The following SYT14 variants were observed in gnomAD, a reference collection of about 807,000 sequenced individuals.
SYT14 encodes synaptotagmin-14.
A neutral mutation model predicts 74.2 loss-of-function variants in SYT14; 32 were observed. That is an observed-to-expected ratio of 0.43 (90% CI 0.33 to 0.58). The LOEUF is 0.58. SYT14 is among the 20% of genes least tolerant of loss of function. The pLI is 0.05. For missense variants in SYT14, 791 were observed against 981.8 expected (o/e 0.81, Z 2.60); for synonymous variants, 298 against 337.7 (o/e 0.88, Z 1.29).
chr1:210,062,402 A>AT (rs58346057), intron 5 of SYT14, among the ~76,000 whole-genome samples: 18,526 of 151,718 alleles, frequency 0.12, 1,445 homozygotes, highest in East Asian at 0.18. Flanking sequence ...TGGGTCAATG[A>AT]TTTTTTTTCT....
intron 2 of SYT14, among the ~76,000 whole-genome samples, chr1:209,977,180 T>C (rs982992606): frequency 6.6e-6 from 1 of 152,232 alleles, no homozygotes. Flanking sequence ...TCTGTGTCTT[T>C]TAATTGGAGC....
In SYT14 at chr1:210,063,111, G is replaced by A. The variant is rs115738034; in HGVS notation, c.1313-31211G>A. Among the ~76,000 whole-genome samples the A allele has an allele frequency of 8.3e-3, 1,227 of 148,458 alleles. 13 individuals carry two copies. Among genetic ancestry groups the A allele is most frequent in the African/African-American group, 0.026 (1,053 of 40,510 alleles). On this transcript the variant is annotated intron_variant, in intron 5 of 9. Coordinates refer to ENST00000637265, the Ensembl canonical transcript of SYT14. ...TTTGTTTTTTTCATTTATAGCTTCT[G>A]GATTATATGTCACGTTCAGAAAGAC...
intron 5 of SYT14, among the ~76,000 whole-genome samples, chr1:210,065,832 C>T (rs995028667): frequency 7.3e-5 from 11 of 151,718 alleles, no homozygotes; most frequent in Admixed American, 6.6e-4. Context: ...CCCATTAACT[C>T]GTCATTTAGC....
intron 2 of SYT14, among the ~76,000 whole-genome samples, chr1:209,979,489 A>T (rs1304187191): frequency 1.3e-5 from 2 of 151,976 alleles, no homozygotes; most frequent in African/African-American, 2.4e-5. Flanking sequence ...CAGGATGCGA[A>T]GGTTTGTTGC....
intron 2 of SYT14, among the ~76,000 whole-genome samples, chr1:209,970,466 T>C (rs1346600302): frequency 1.3e-5 from 2 of 152,078 alleles, no homozygotes; most frequent in Non-Finnish European, 1.5e-5. Context: ...TACTATAGCC[T>C]TATACCATTT....
intron 2 of SYT14, among the ~76,000 whole-genome samples, chr1:209,980,260 T>C (rs938864202): frequency 6.6e-6 from 1 of 152,242 alleles, no homozygotes; most frequent in African/African-American, 2.4e-5. Context: ...GTATCTTCTT[T>C]TGAGAAGTGT....
At chr1:210,061,396 A>T (rs1167799259) in intron 5 of SYT14, among the ~76,000 whole-genome samples, 3 of 152,008 alleles carry the variant, frequency 2.0e-5, no homozygotes, top group Admixed American at 1.3e-4. Flanking sequence ...ATCAGAGGCT[A>T]ATCAACTGTG....
intron 5 of SYT14, among the ~76,000 whole-genome samples, chr1:210,041,058 C>T (rs2080779038): frequency 6.6e-6 from 1 of 152,092 alleles, no homozygotes; most frequent in Non-Finnish European, 1.5e-5. Flanking sequence ...CCATAAGGAG[C>T]TACACAAAGG....
intron 7 of SYT14, among the ~76,000 whole-genome samples, chr1:210,144,152 CTTTTG>C (rs890514359): frequency 7.9e-5 from 12 of 152,052 alleles, no homozygotes; most frequent in Non-Finnish European, 1.3e-4. Flanking sequence ...CAATGTATTT[CTTTTG>C]TTTTAATTAT....
chr1:209,994,690 A>C (rs1380008007), intron 2 of SYT14, among the ~76,000 whole-genome samples: 4 of 152,206 alleles, frequency 2.6e-5, no homozygotes, highest in Non-Finnish European at 5.9e-5. Flanking sequence ...CATAGCCATC[A>C]GATTCACCAA....
intron 7 of SYT14, among the ~76,000 whole-genome samples, chr1:210,129,547 T>TATC (rs1290210683): frequency 2.0e-5 from 3 of 152,210 alleles, no homozygotes; most frequent in Non-Finnish European, 2.9e-5. Context: ...AAGTGATGAA[T>TATC]GGATGCTAGG....
intron 2 of SYT14, among the ~76,000 whole-genome samples, chr1:209,997,784 T>A (rs1287887324): frequency 1.3e-5 from 2 of 152,078 alleles, no homozygotes; most frequent in African/African-American, 4.8e-5. Flanking sequence ...GGCCTGTATA[T>A]GTACCCCCCT....
intron 2 of SYT14, among the ~76,000 whole-genome samples, chr1:209,990,392 C>T (rs1250337695): frequency 1.3e-5 from 2 of 150,892 alleles, no homozygotes; most frequent in South Asian, 2.1e-4. Flanking sequence ...TTCCTGAATA[C>T]GTTTCATCAT....
At chr1:210,006,352 C>G (rs755510313) in intron 2 of SYT14, among the ~76,000 whole-genome samples, 13 of 151,876 alleles carry the variant, frequency 8.6e-5, no homozygotes, top group Non-Finnish European at 1.8e-4. Flanking sequence ...CTGAAACATA[C>G]TAACCTTCTG....
intron 2 of SYT14, among the ~76,000 whole-genome samples, chr1:209,987,484 G>A (rs533547673): frequency 2.5e-4 from 38 of 152,306 alleles, no homozygotes; most frequent in African/African-American, 8.9e-4. Context: ...GAGAATGTGG[G>A]TGAGGTGCTA....
At chr1:210,167,603 A>G (rs1276337342) in exon 10 of SYT14, 1 of 152,186 alleles carries the variant, frequency 6.6e-6, no homozygotes, top group African/African-American at 2.4e-5. Context: ...CCCACTTAAA[A>G]ATGAGCTTAT....
chr1:209,946,761 A>AAACAC (rs2078829463), intron 1 of SYT14, among the ~76,000 whole-genome samples: 1 of 152,226 alleles, frequency 6.6e-6, no homozygotes, highest in Non-Finnish European at 1.5e-5. Context: ...GTTGTAGGTG[A>AAACAC]AACAGCCTGT....
rs575181958 is a variant in SYT14, at chr1:210,103,197, A to G, written c.2034+2736A>G. The stretch of plus-strand genomic sequence containing the variant: ...ACTGATTGAGAGAAAAAAAAGACCA[A>G]TGTCACCAAAATGACTTTCTGAGAA... On this transcript the variant is annotated intron_variant, in intron 7 of 9. Transcript: ENST00000637265. Among the ~76,000 whole-genome samples, 143 of 152,272 alleles carry G rather than the reference A, an allele frequency of 9.4e-4. 2 individuals are homozygous for G. Among genetic ancestry groups the G allele is most frequent in the Admixed American group, 8.2e-3 (126 of 15,292 alleles).
intron 8 of SYT14, chr1:210,156,762 C>T (rs764200900): frequency 1.6e-4 from 25 of 158,744 alleles, no homozygotes; most frequent in Middle Eastern, 3.8e-3. Context: ...AGCATGATCT[C>T]GGCTCACTGA....
Sources: gnomAD v4.1 joint callset for allele counts (sites outside exome capture counted in the v4.1 genomes callset) on GRCh38, gnomAD v4.1.1 for gene constraint, MANE v1.5 for transcripts, NCBI Gene and HGNC (gene_info 2026-07-23, HGNC 2026-07-21) for gene names.